Variants in DRC5 observed in about 807,000 individuals in gnomAD.
DRC5 encodes the protein T-complex-associated testis-expressed protein 1.
chr6:44,295,477 T>C, the DRC5 span, among the ~76,000 whole-genome samples: 1 of 152,202 alleles, frequency 6.6e-6, no homozygotes, highest in East Asian at 1.9e-4. Flanking sequence ...GGTCCTGAAA[T>C]CACACACAGG....
At chr6:44,280,885 T>C in the DRC5 span, among the ~76,000 whole-genome samples, 2 of 152,178 alleles carry the variant, frequency 1.3e-5, no homozygotes, top group Non-Finnish European at 2.9e-5. Flanking sequence ...GAGCAGAGGG[T>C]AGCACTGAAC....
chr6:44,282,299 T>C, the DRC5 span: 6 of 1,614,030 alleles, frequency 3.7e-6, no homozygotes, highest in East Asian at 2.2e-5. Flanking sequence ...AGTTGAGACG[T>C]AGGTTGAGGG....
chr6:44,288,650 CA>C, the DRC5 span, among the ~76,000 whole-genome samples: 1 of 152,170 alleles, frequency 6.6e-6, no homozygotes, highest in Non-Finnish European at 1.5e-5. Flanking sequence ...AGCCAAAATG[CA>C]AGCCACATAT....
chr6:44,281,357 A>T, the DRC5 span, among the ~76,000 whole-genome samples: 1 of 152,310 alleles, frequency 6.6e-6, no homozygotes, highest in East Asian at 1.9e-4. Flanking sequence ...CATAAATTTC[A>T]ATATTATGTT....
chr6:44,282,106 T>C, the DRC5 span: 8 of 1,608,386 alleles, frequency 5.0e-6, no homozygotes, highest in African/African-American at 5.3e-5. Flanking sequence ...AATAGGTGGC[T>C]CACCAGCCCG....
the DRC5 span, among the ~76,000 whole-genome samples, chr6:44,289,595 TGA>T: frequency 6.6e-6 from 1 of 152,092 alleles, no homozygotes; most frequent in Non-Finnish European, 1.5e-5. Flanking sequence ...TCCTTCCCAC[TGA>T]GAGCTCAAAC....
At chr6:44,281,111 T>C in the DRC5 span, among the ~76,000 whole-genome samples, 4 of 152,228 alleles carry the variant, frequency 2.6e-5, no homozygotes, top group East Asian at 7.7e-4. Flanking sequence ...GGAGGTTTAG[T>C]AGAGGGTTCA....
chr6:44,294,916 C>T, the DRC5 span, among the ~76,000 whole-genome samples: 3 of 152,148 alleles, frequency 2.0e-5, no homozygotes, highest in South Asian at 4.1e-4. Context: ...TGGTCTTAGT[C>T]TGGCCTGGCA....
At chr6:44,287,502 C>T in the DRC5 span, 1 of 1,557,940 alleles carries the variant, frequency 6.4e-7, no homozygotes, top group Non-Finnish European at 8.7e-7. Context: ...CCCACCTAGC[C>T]CCCCTCTTGG....
chr6:44,293,636 C>T, the DRC5 span, among the ~76,000 whole-genome samples: 6,069 of 152,210 alleles, frequency 0.04, 226 homozygotes, highest in East Asian at 0.18. Flanking sequence ...ATACACTACC[C>T]CTCCACAGTC....
At chr6:44,296,828 G>A in the DRC5 span, among the ~76,000 whole-genome samples, 1 of 144,934 alleles carries the variant, frequency 6.9e-6, no homozygotes, top group African/African-American at 2.5e-5. Context: ...TTTGTCTACA[G>A]CCACCTCCAT....
chr6:44,292,087 G>A, the DRC5 span, among the ~76,000 whole-genome samples: 40 of 152,184 alleles, frequency 2.6e-4, no homozygotes, highest in African/African-American at 1.2e-4. Context: ...TCACACAGCC[G>A]CTGTGGCAGG....
At chr6:44,285,101 CT>C in the DRC5 span, among the ~76,000 whole-genome samples, 2 of 152,204 alleles carry the variant, frequency 1.3e-5, no homozygotes, top group African/African-American at 4.8e-5. Context: ...CCCATAGAGC[CT>C]GTATGCACTG....
chr6:44,291,013 G>C, the DRC5 span, among the ~76,000 whole-genome samples: 1 of 152,182 alleles, frequency 6.6e-6, no homozygotes, highest in African/African-American at 2.4e-5. Context: ...GCCTGCCTCT[G>C]GGCATGACAC....
the DRC5 span, among the ~76,000 whole-genome samples, chr6:44,297,497 G>T: frequency 2.4e-3 from 364 of 152,320 alleles, 1 homozygote; most frequent in Non-Finnish European, 4.1e-3. Flanking sequence ...ACGGACCGGC[G>T]CTTCCCCGCC....
At chr6:44,281,623 G>C in the DRC5 span, among the ~76,000 whole-genome samples, 10 of 152,230 alleles carry the variant, frequency 6.6e-5, no homozygotes, top group Non-Finnish European at 1.5e-4. Context: ...GGCCTCAGGT[G>C]ATCTACCCAC....
chr6:44,278,777 T>A, the DRC5 span: 1 of 152,130 alleles, frequency 6.6e-6, no homozygotes, highest in Non-Finnish European at 1.5e-5. Context: ...CCAGGGAAAA[T>A]GAAAACCAGA....
the DRC5 span, among the ~76,000 whole-genome samples, chr6:44,288,993 C>CAAAAA: frequency 2.1e-3 from 70 of 32,786 alleles, 6 homozygotes; most frequent in African/African-American, 5.7e-3. Context: ...GACTCTGTCT[C>CAAAAA]AAAAAAAAAA....
At chr6:44,286,073 AC>A in the DRC5 span, 1 of 1,614,164 alleles carries the variant, frequency 6.2e-7, no homozygotes, top group Non-Finnish European at 8.5e-7. Flanking sequence ...GACATCGTAC[AC>A]CAGGTCCAGC....
Sources: allele counts gnomAD v4.1 joint callset (sites outside exome capture counted in the v4.1 genomes callset), GRCh38; gene constraint gnomAD v4.1.1; transcripts MANE v1.5; gene names NCBI Gene and HGNC (gene_info 2026-07-23, HGNC 2026-07-21).